The following GRM3 variants were observed in gnomAD, a reference collection of about 807,000 sequenced individuals.
GRM3 encodes glutamate metabotropic receptor 3.
GRM3 carries 26 observed loss-of-function variants against 70.5 expected under a neutral mutation model. The ratio of observed to expected loss-of-function variants is 0.37; its 90% CI spans 0.27 to 0.51. The LOEUF (loss-of-function observed/expected upper bound fraction) is 0.51. GRM3 is among the 20% of genes least tolerant of loss of function. GRM3 has a pLI of 0.93. For synonymous variants in GRM3, 443 were observed against 434.9 expected, an observed-to-expected ratio of 1.02 and a Z score of -0.23; for missense variants, 859 against 1,123.8, an observed-to-expected ratio of 0.76 and a Z score of 3.37.
chr7:86,839,058 C>T lies in GRM3; in HGVS notation c.1544C>T (p.Pro515Leu), dbSNP rs1798512143. The change falls in exon 4 of 6, where the codon CCC becomes CTC. Residue 515 changes from proline (P) to leucine (L), a missense_variant. Physicochemically the swap from Pro to Leu is moderately conservative, Grantham distance 98. Coordinates refer to ENST00000361669, the MANE Select transcript of GRM3 (RefSeq NM_000840.3). The surrounding 1 kb of genome is among the most constrained non-coding windows in gnomAD (Gnocchi z 4.5). ...PTSQCSDPCA[P>L]NEMKNMQPGD... ...TCCCAGTGCAGCGACCCCTGTGCCC[C>T]CAATGAAATGAAGAATATGCAACCA... is the stretch of plus-strand genomic sequence containing the variant. 6.2e-7 allele frequency: 1 copy of T among 1,613,856 alleles called. No individual in the cohort carries two copies. The highest frequency in any genetic ancestry group is 1.1e-5 in the South Asian group (1 of 91,078).
At chr7:86,810,758 G>A (rs895991617) in intron 3 of GRM3, among the ~76,000 whole-genome samples, 5 of 151,932 alleles carry the variant, frequency 3.3e-5, no homozygotes, top group African/African-American at 1.2e-4. Flanking sequence ...TTAGGTCTCA[G>A]TTATGCCATC....
intron 1 of GRM3, among the ~76,000 whole-genome samples, chr7:86,653,747 ATTC>A (rs1245799267): frequency 2.6e-5 from 4 of 151,964 alleles, no homozygotes; most frequent in South Asian, 2.1e-4. Flanking sequence ...AGTTACTGAT[ATTC>A]TTATTAGAAA....
intron 1 of GRM3, among the ~76,000 whole-genome samples, chr7:86,694,082 G>A (rs947169500): frequency 6.6e-5 from 10 of 152,172 alleles, no homozygotes; most frequent in African/African-American, 2.4e-4. Flanking sequence ...AGTATGGACT[G>A]TGGAGGTGAG....
At chr7:86,681,170 A>T (rs1794431925) in intron 1 of GRM3, among the ~76,000 whole-genome samples, 1 of 152,152 alleles carries the variant, frequency 6.6e-6, no homozygotes, top group Non-Finnish European at 1.5e-5. Flanking sequence ...AGTCCTGGCC[A>T]GCATAATAAG....
In GRM3 at chr7:86,679,259, T is replaced by A. The variant is rs1584159195; in HGVS notation, c.-141+34387T>A. Among the ~76,000 whole-genome samples, 3 of 152,118 alleles carry A rather than the reference T, an allele frequency of 2.0e-5. No individual in the cohort carries two copies. In the South Asian group the frequency reaches 6.2e-4, roughly 32 times the overall value. On this transcript the variant is annotated intron_variant, in intron 1 of 5. Coordinates refer to ENST00000361669, the MANE Select transcript of GRM3 (RefSeq NM_000840.3). ...AAATATTTAAGTAAATGAATTTGGGTTATAAAAGATTTTGATAAGTTATGC... is the reference window on the plus strand; with the variant it reads ...AAATATTTAAGTAAATGAATTTGGGATATAAAAGATTTTGATAAGTTATGC...
chr7:86,818,718 C>T (rs533284839), intron 3 of GRM3, among the ~76,000 whole-genome samples: 4 of 152,014 alleles, frequency 2.6e-5, no homozygotes, highest in African/African-American at 9.7e-5. Flanking sequence ...AATAAAAGTG[C>T]ATATATACCA....
At chr7:86,763,105 C>T (rs1796519751) in intron 1 of GRM3, among the ~76,000 whole-genome samples, 1 of 152,142 alleles carries the variant, frequency 6.6e-6, no homozygotes, top group African/African-American at 2.4e-5. Context: ...CCCAATGAGA[C>T]ATCATTCAAA....
chr7:86,781,740 T>C (rs1233567801), intron 2 of GRM3, among the ~76,000 whole-genome samples: 3 of 152,176 alleles, frequency 2.0e-5, no homozygotes, highest in Admixed American at 2.0e-4. Context: ...ATTTATGCTT[T>C]TTTCAATGGC....
At chr7:86,679,836 T>A (rs910893112) in intron 1 of GRM3, among the ~76,000 whole-genome samples, 1 of 152,048 alleles carries the variant, frequency 6.6e-6, no homozygotes, top group Non-Finnish European at 1.5e-5. Flanking sequence ...AGTGGCTATA[T>A]CAGGATACCC....
intron 1 of GRM3, among the ~76,000 whole-genome samples, chr7:86,712,192 G>T (rs1584186346): frequency 6.6e-6 from 1 of 151,794 alleles, no homozygotes; most frequent in Admixed American, 6.6e-5. Context: ...CTCTATAACT[G>T]GTCCTAATTA....
intron 5 of GRM3, among the ~76,000 whole-genome samples, chr7:86,851,571 AAAGG>A (rs1798755485): frequency 2.0e-5 from 3 of 152,130 alleles, no homozygotes; most frequent in Admixed American, 2.0e-4. Context: ...AGTTGATCAG[AAAGG>A]ATACTTCAAA....
Position 86,858,294 on chromosome 7 carries a change from A to G in GRM3, c.2567-5988A>G, listed in dbSNP as rs139209746. 2.1e-4 allele frequency among the ~76,000 whole-genome samples: 32 copies of G among 152,208 alleles called. No homozygotes were observed. In the East Asian group the frequency reaches 6.2e-3, roughly 29 times the overall value. Reference sequence around the variant, plus strand: ...TTTAAAGCAACATGATGTGGCAACAATGGAGGGAAGTATTTAGTTGAAGAC... The same window carrying G: ...TTTAAAGCAACATGATGTGGCAACAGTGGAGGGAAGTATTTAGTTGAAGAC... On this transcript the variant is annotated intron_variant, in intron 5 of 5. Transcript: ENST00000361669.
intron 1 of GRM3, among the ~76,000 whole-genome samples, chr7:86,671,223 C>T (rs907720212): frequency 7.2e-5 from 11 of 152,124 alleles, no homozygotes; most frequent in African/African-American, 2.4e-4. Context: ...TTGTTTTCCC[C>T]AGTTTCATAG....
intron 3 of GRM3, 22 bp downstream of exon 3, chr7:86,787,138 A>G (rs1562863965): frequency 7.0e-6 from 11 of 1,565,902 alleles, no homozygotes; most frequent in Non-Finnish European, 9.6e-6. Context: ...GCCTTTAAAC[A>G]TCTTCTCAGA....
chr7:86,843,742 C>G (rs1164372139), intron 4 of GRM3, among the ~76,000 whole-genome samples: 3 of 152,126 alleles, frequency 2.0e-5, no homozygotes, highest in Non-Finnish European at 4.4e-5. Flanking sequence ...AGTCTCTCCT[C>G]TTTTGTAACT....
At chr7:86,753,380 G>C (rs1400215268) in intron 1 of GRM3, among the ~76,000 whole-genome samples, 1 of 152,138 alleles carries the variant, frequency 6.6e-6, no homozygotes, top group Admixed American at 6.6e-5. Flanking sequence ...ACATCATGAA[G>C]TAGATTCAAA....
chr7:86,792,441 C>T lies in GRM3; in HGVS notation c.1324+5325C>T, dbSNP rs147673585. On this transcript the variant is annotated intron_variant, in intron 3 of 5. Coordinates refer to ENST00000361669, the MANE Select transcript of GRM3 (RefSeq NM_000840.3). ...GTGCCCCAAGACACATCCAATGTCACGTAGGCATTATCTCAGGAATAACAT... is the reference window on the plus strand; with the variant it reads ...GTGCCCCAAGACACATCCAATGTCATGTAGGCATTATCTCAGGAATAACAT... 4.1e-4 allele frequency among the ~76,000 whole-genome samples: 62 copies of T among 152,276 alleles called. No individual in the cohort carries two copies. The East Asian group carries it at 6.9e-3, about 17-fold the overall frequency.
intron 4 of GRM3, among the ~76,000 whole-genome samples, chr7:86,849,763 T>C (rs1346428830): frequency 6.6e-6 from 1 of 152,028 alleles, no homozygotes; most frequent in Non-Finnish European, 1.5e-5. Context: ...AACATGAAGA[T>C]TGAACAGTTA....
At chr7:86,731,211 T>G (rs950821878) in intron 1 of GRM3, among the ~76,000 whole-genome samples, 2 of 152,228 alleles carry the variant, frequency 1.3e-5, no homozygotes, top group African/African-American at 4.8e-5. Flanking sequence ...ACTACTGAAT[T>G]CATCATATTA....
Sources: allele counts gnomAD v4.1 joint callset (sites outside exome capture counted in the v4.1 genomes callset), GRCh38; gene constraint gnomAD v4.1.1; non-coding constraint Gnocchi (gnomAD v3.1); transcripts MANE v1.5; gene names NCBI Gene and HGNC (gene_info 2026-07-23, HGNC 2026-07-21).